The following METTL9 variants were observed in gnomAD, a reference collection of about 807,000 sequenced individuals.
METTL9 encodes the protein protein-L-histidine N-pros-methyltransferase.
A neutral mutation model predicts 36.0 loss-of-function variants in METTL9; 10 were observed. That is an observed-to-expected ratio of 0.28 (90% CI 0.17 to 0.47). The LOEUF is 0.47. Ranked by LOEUF, METTL9 falls within the 20% of genes least tolerant of loss-of-function variation. The pLI is 0.99. For synonymous variants in METTL9, 175 were observed against 149.7 expected (o/e 1.17, Z -1.23); for missense variants, 246 against 383.5 (o/e 0.64, Z 3.00).
At chr16:21,638,099 C>T (rs188820054) in intron 4 of METTL9, among the ~76,000 whole-genome samples, 15 of 152,264 alleles carry the variant, frequency 9.9e-5, no homozygotes, top group Admixed American at 9.8e-4. Flanking sequence ...GGGCAGATCA[C>T]CTGAGGTCAG....
chr16:21,643,614 G>A (rs1966335975), intron 4 of METTL9: 1 of 1,583,938 alleles, frequency 6.3e-7, no homozygotes, highest in Non-Finnish European at 8.6e-7. Context: ...AAGAAGAGAA[G>A]GAAAGTCTAT....
chr16:21,636,376 G>C (rs1207781046), intron 4 of METTL9, among the ~76,000 whole-genome samples: 2 of 152,194 alleles, frequency 1.3e-5, no homozygotes, highest in Non-Finnish European at 2.9e-5. Context: ...TAGACTCCTG[G>C]AGTTTATACT....
chr16:21,647,896 G>A (rs1966471040), intron 4 of METTL9, among the ~76,000 whole-genome samples: 1 of 152,206 alleles, frequency 6.6e-6, no homozygotes, highest in South Asian at 2.1e-4. Context: ...TCCCCAGAGT[G>A]CTGTGTTCAG....
At position 21,655,309 on chromosome 16, in the gene METTL9, A is replaced by G; in HGVS notation, c.834A>G (p.Glu278=). The change falls in exon 5 of 5, where the codon GAA becomes GAG. Residue 278 remains glutamate (E), a synonymous_variant. Coordinates refer to ENST00000358154, the MANE Select transcript of METTL9 (RefSeq NM_016025.5). The part of the protein sequence containing the change: ...NWEEQVNSLP[E]VFRKAGFVIE... Reference sequence around the variant, plus strand: ...AAGAACAAGTGAATAGTCTGCCTGAAGTTTTCAGAAAAGCTGGTTTTGTTA... The same window carrying G: ...AAGAACAAGTGAATAGTCTGCCTGAGGTTTTCAGAAAAGCTGGTTTTGTTA... 4 of 1,614,250 alleles carry G rather than the reference A, an allele frequency of 2.5e-6. No individual in the cohort carries two copies. Among genetic ancestry groups the G allele is most frequent in the Non-Finnish European group, 3.4e-6 (4 of 1,180,040 alleles).
Position 21,617,984 on chromosome 16 carries a change from T to A in METTL9, c.476T>A (p.Val159Asp). 1 of 1,613,234 alleles carries A rather than the reference T, an allele frequency of 6.2e-7. No individual in the cohort carries two copies. Among genetic ancestry groups the A allele is most frequent in the South Asian group, 1.1e-5 (1 of 90,820 alleles). The part of the protein sequence containing the change: ...LLDLGAGDGE[V>D]TKIMSPHFEE... ...GATTTAGGTGCTGGAGATGGAGAAG[T>A]CACAAAAATCATGAGCCCTCATTTT... Residue 159 changes from valine (V) to aspartate (D), a missense_variant, in exon 3 of 5, where the codon GTC becomes GAC. Transcript: ENST00000358154.
At chr16:21,610,441 T>C (rs1403044190) in intron 1 of METTL9, among the ~76,000 whole-genome samples, 1 of 152,230 alleles carries the variant, frequency 6.6e-6, no homozygotes, top group Non-Finnish European at 1.5e-5. Flanking sequence ...ACATTGCTGC[T>C]GTGAAATCGA....
chr16:21,654,031 G>C (rs1597793652), intron 4 of METTL9: 1 of 121,664 alleles, frequency 8.2e-6, no homozygotes, highest in Non-Finnish European at 1.7e-5. Flanking sequence ...TTCTCAGTCT[G>C]TTTTGTTTTT....
chr16:21,611,093 A>G (rs1171925320), intron 1 of METTL9, among the ~76,000 whole-genome samples: 3 of 152,206 alleles, frequency 2.0e-5, no homozygotes, highest in Non-Finnish European at 4.4e-5. Context: ...AGCTTGTCAT[A>G]TAGAGTAGGA....
intron 4 of METTL9, among the ~76,000 whole-genome samples, chr16:21,647,861 C>T (rs924720441): frequency 1.3e-5 from 2 of 152,186 alleles, no homozygotes; most frequent in African/African-American, 4.8e-5. Context: ...AATCTCCTGC[C>T]TGCTTTCTTG....
rs565527398 is a variant in METTL9 at position 21,644,468 on chromosome 16, C to G, written c.752-10759C>G. 32 of 1,057,122 alleles carry G rather than the reference C, an allele frequency of 3.0e-5. 1 individual carries two copies. The South Asian group carries it at 4.0e-4, about 13-fold the overall frequency. 65.5% of individuals were successfully genotyped at this position (1,057,122 alleles called of 1,614,324 possible). A position where few individuals can be genotyped will look rare whatever the true frequency, so the allele number is the denominator to read the frequency against. ...TCTTTCAAATACATGTGTAAAGTATCCTTCACACTGCGTTTTAGAGGTGAA... is the reference window on the plus strand; with the variant it reads ...TCTTTCAAATACATGTGTAAAGTATGCTTCACACTGCGTTTTAGAGGTGAA... On this transcript the variant is annotated intron_variant, in intron 4 of 4. Transcript: ENST00000358154.
chr16:21,612,902 G>T (rs1965460381), intron 2 of METTL9, 67 bp downstream of exon 2: 2 of 1,377,754 alleles, frequency 1.5e-6, no homozygotes, highest in Non-Finnish European at 2.0e-6. Flanking sequence ...AACACAAAAA[G>T]AAAAGTTATC....
intron 4 of METTL9, among the ~76,000 whole-genome samples, chr16:21,637,824 C>T (rs1316782734): frequency 2.6e-5 from 4 of 152,256 alleles, no homozygotes; most frequent in African/African-American, 9.6e-5. Flanking sequence ...CAGCGGCGGG[C>T]TGAAGTGCTC....
Position 21,655,492 on chromosome 16 carries a change from G to A in METTL9, c.*60G>A. The A allele has an allele frequency of 6.9e-7, 1 of 1,445,036 alleles. No individual in the cohort carries two copies. Among genetic ancestry groups the A allele is most frequent in the South Asian group, 1.2e-5 (1 of 80,402 alleles). The allele number at this position is 1,445,036 out of a possible 1,614,324, so 89.5% of individuals were successfully genotyped here. ...CTCCGGGATGTGCCCTTGGAAGAGG[G>A]TCTGTGTTCACAATTACGTGAAGGG... On this transcript the variant is annotated 3_prime_UTR_variant, in exon 5 of 5. Coordinates refer to ENST00000358154, the MANE Select transcript of METTL9 (RefSeq NM_016025.5).
chr16:21,629,842 A>C (rs1965906133), intron 4 of METTL9, among the ~76,000 whole-genome samples: 1 of 151,718 alleles, frequency 6.6e-6, no homozygotes, highest in Non-Finnish European at 1.5e-5. Context: ...GGTCCATTTT[A>C]CAGAGAGCTG....
chr16:21,650,508 C>CAAAA (rs3046229), intron 4 of METTL9, among the ~76,000 whole-genome samples: 43 of 89,860 alleles, frequency 4.8e-4, no homozygotes, highest in African/African-American at 1.4e-3. Context: ...ACTCTTGTCT[C>CAAAA]AAAAAAAAAA....
chr16:21,615,943 G>C (rs1002223350), intron 2 of METTL9, among the ~76,000 whole-genome samples: 1 of 152,094 alleles, frequency 6.6e-6, no homozygotes, highest in African/African-American at 2.4e-5. Context: ...CACGTTTAGT[G>C]GTCTCTGAGG....
Position 21,599,698 on chromosome 16 carries a change from G to A in METTL9, c.-36G>A. Reference sequence around the variant, plus strand: ...GGTGCCTCCTCCTCCTCGCCCCGGCGCCGGCGGTGATCCGAGCGAGCGGCC... The same window carrying A: ...GGTGCCTCCTCCTCCTCGCCCCGGCACCGGCGGTGATCCGAGCGAGCGGCC... On this transcript the variant is annotated 5_prime_UTR_variant, in exon 1 of 5. Coordinates refer to ENST00000358154, the MANE Select transcript of METTL9 (RefSeq NM_016025.5). This position sits in a 1 kb window ranked among gnomAD's most constrained non-coding sequence, Gnocchi z 4.4. 1 of 1,450,410 alleles carries A rather than the reference G, an allele frequency of 6.9e-7. No homozygotes were observed. 89.8% of individuals were successfully genotyped at this position (1,450,410 alleles called of 1,614,324 possible). A position where few individuals can be genotyped will look rare whatever the true frequency, so the allele number is the denominator to read the frequency against.
intron 4 of METTL9, among the ~76,000 whole-genome samples, chr16:21,635,557 A>C (rs1416105775): frequency 6.6e-6 from 1 of 152,188 alleles, no homozygotes; most frequent in Non-Finnish European, 1.5e-5. Flanking sequence ...TTCTTACAGA[A>C]AAGGTCAAGC....
intron 4 of METTL9, among the ~76,000 whole-genome samples, chr16:21,637,278 C>T (rs1966124101): frequency 6.6e-6 from 1 of 152,118 alleles, no homozygotes. Context: ...TGTGTGTTTA[C>T]AAACCTTTAG....
Sources: allele counts gnomAD v4.1 joint callset (sites outside exome capture counted in the v4.1 genomes callset), GRCh38; gene constraint gnomAD v4.1.1; non-coding constraint Gnocchi (gnomAD v3.1); transcripts MANE v1.5; gene names NCBI Gene and HGNC (gene_info 2026-07-23, HGNC 2026-07-21).